The following UBE3A variants were observed in gnomAD, a reference collection of about 807,000 sequenced individuals.
UBE3A encodes the protein ubiquitin protein ligase E3A, also known as ubiquitin-protein ligase E3A.
Under a neutral mutation model 83.4 loss-of-function variants are expected in UBE3A, and 6 were observed. The observed-to-expected ratio is 0.07, with a 90% confidence interval of 0.04 to 0.14. UBE3A has a LOEUF of 0.14. Ranked by LOEUF, UBE3A falls within the 10% of genes least tolerant of loss-of-function variation. UBE3A has a pLI of 1.00. For synonymous variants in UBE3A, 337 were observed against 355.4 expected, an observed-to-expected ratio of 0.95 and a Z score of 0.58; for missense variants, 456 against 1,036.1, an observed-to-expected ratio of 0.44 and a Z score of 7.69.
At chr15:25,354,278 G>C (rs1319950494) in intron 11 of UBE3A, 75 bp downstream of exon 11, 1 of 1,324,698 alleles carries the variant, frequency 7.5e-7, no homozygotes, top group East Asian at 2.3e-5. Context: ...TTAGTACCTA[G>C]AGATAAAGGT....
At chr15:25,364,044 A>G (rs2078595205) in intron 6 of UBE3A, among the ~76,000 whole-genome samples, 1 of 148,114 alleles carries the variant, frequency 6.8e-6, no homozygotes, top group African/African-American at 2.5e-5. Flanking sequence ...ACTAATAAAT[A>G]AATAAATAAA....
intron 2 of UBE3A, among the ~76,000 whole-genome samples, chr15:25,410,025 G>A (rs1185786495): frequency 6.6e-6 from 1 of 152,014 alleles, no homozygotes; most frequent in East Asian, 1.9e-4. Flanking sequence ...GATAGCATTA[G>A]GAAATATACC....
intron 1 of UBE3A, among the ~76,000 whole-genome samples, chr15:25,425,585 G>T (rs182931466): frequency 6.9e-4 from 105 of 152,006 alleles, no homozygotes; most frequent in Non-Finnish European, 1.1e-3. Context: ...ATATTTGATT[G>T]GTAATTTCCT....
chr15:25,416,311 C>T (rs980259748), intron 1 of UBE3A, among the ~76,000 whole-genome samples: 1 of 152,140 alleles, frequency 6.6e-6, no homozygotes, highest in African/African-American at 2.4e-5. Context: ...AATGGAATAT[C>T]ACTTCCATTC....
chr15:25,339,798 T>C (rs2074423997), intron 12 of UBE3A: 2 of 438,950 alleles, frequency 4.6e-6, no homozygotes, highest in African/African-American at 4.0e-5. Context: ...TAGATGATCA[T>C]GTTATATGGC....
rs369062753 is a variant in UBE3A, at chr15:25,408,835, A to C, written c.20+253T>G. ...TATAATGTTTATAGTAAAATGTTTA[A>C]AACCTTGAAGTTTTTTTGAGAAATA... On this transcript the variant is annotated intron_variant, in intron 3 of 12. Coordinates refer to ENST00000648336, the MANE Select transcript of UBE3A (RefSeq NM_130839.5). 221 of 826,632 alleles carry C rather than the reference A, an allele frequency of 2.7e-4. No homozygotes were observed. In the African/African-American group the frequency reaches 3.7e-3, roughly 14 times the overall value. 51.2% of individuals were successfully genotyped at this position (826,632 alleles called of 1,614,324 possible).
At chr15:25,350,284 G>A (rs1218186744) in intron 11 of UBE3A, among the ~76,000 whole-genome samples, 1 of 150,614 alleles carries the variant, frequency 6.6e-6, no homozygotes, top group Non-Finnish European at 1.5e-5. Flanking sequence ...CTGGATGACA[G>A]AGACTTTGTC....
At chr15:25,412,708 A>G (rs1188635059) in intron 1 of UBE3A, among the ~76,000 whole-genome samples, 1 of 150,150 alleles carries the variant, frequency 6.7e-6, no homozygotes, top group Non-Finnish European at 1.5e-5. Flanking sequence ...ATATAAAGAA[A>G]GCAAATCTCA....
At position 25,375,769 on chromosome 15, in the gene UBE3A, C is replaced by G; in HGVS notation, c.63-6G>C. On this transcript the variant is annotated splice_region_variant and splice_polypyrimidine_tract_variant and intron_variant, in intron 4 of 12. Coordinates refer to ENST00000648336, the MANE Select transcript of UBE3A (RefSeq NM_130839.5). ...GCTTTGCAGCTGCTCGCTTCCTGTA[C>G]CAAACATTCAAACAATAAGCACAGT... 4 of 1,607,520 alleles carry G rather than the reference C, an allele frequency of 2.5e-6. No individual in the cohort carries two copies. The highest frequency in any genetic ancestry group is 3.4e-6 in the Non-Finnish European group (4 of 1,179,988).
intron 1 of UBE3A, chr15:25,419,245 CAAGTT>C (rs1888522384): frequency 6.6e-6 from 1 of 151,974 alleles, no homozygotes; most frequent in South Asian, 2.1e-4. Flanking sequence ...CATACATGCT[CAAGTT>C]AAGGGTGTGG....
chr15:25,354,719 T>C (rs773701872), intron 9 of UBE3A, 36 bp from the exon 10 acceptor site: 12 of 1,586,358 alleles, frequency 7.6e-6, no homozygotes, highest in African/African-American at 2.7e-5. Context: ...CTTCTTATAA[T>C]ATGCTATGCA....
chr15:25,356,174 T>TAGGG, intron 8 of UBE3A, 118 bp from the exon 9 acceptor site: 1 of 1,272,552 alleles, frequency 7.9e-7, no homozygotes, highest in Non-Finnish European at 1.1e-6. Flanking sequence ...GTAAAAAGTG[T>TAGGG]AGACAGTATC....
intron 1 of UBE3A, among the ~76,000 whole-genome samples, chr15:25,420,408 T>C (rs939044881): frequency 6.6e-6 from 1 of 152,120 alleles, no homozygotes. Flanking sequence ...CTCAAAATTA[T>C]AGTTGAAGAT....
chr15:25,353,039 A>T (rs894303175), intron 11 of UBE3A, among the ~76,000 whole-genome samples: 1 of 152,232 alleles, frequency 6.6e-6, no homozygotes. Context: ...GCATCAAGAT[A>T]TGACTTTTTT....
At chr15:25,420,548 A>G (rs1233249825) in intron 1 of UBE3A, 5 of 152,234 alleles carry the variant, frequency 3.3e-5, no homozygotes, top group African/African-American at 1.2e-4. Flanking sequence ...ACAGACACAC[A>G]AAAGAAAACT....
intron 1 of UBE3A, chr15:25,422,004 A>G (rs1390878594): frequency 6.6e-6 from 1 of 152,258 alleles, no homozygotes; most frequent in Non-Finnish European, 1.5e-5. Flanking sequence ...ACATGCACAC[A>G]AAACAGTACC....
chr15:25,380,772 T>C (rs992835281), intron 4 of UBE3A, among the ~76,000 whole-genome samples: 3 of 152,250 alleles, frequency 2.0e-5, no homozygotes, highest in Non-Finnish European at 2.9e-5. Flanking sequence ...AAACAAAGTA[T>C]GTTATAATGT....
At chr15:25,366,075 A>G (rs2079053834) in intron 6 of UBE3A, among the ~76,000 whole-genome samples, 1 of 152,164 alleles carries the variant, frequency 6.6e-6, no homozygotes, top group Non-Finnish European at 1.5e-5. Flanking sequence ...ATTGTCTTAA[A>G]TTATTATATA....
intron 11 of UBE3A, among the ~76,000 whole-genome samples, chr15:25,344,767 A>G (rs2075393422): frequency 6.6e-6 from 1 of 152,168 alleles, no homozygotes; most frequent in African/African-American, 2.4e-5. Context: ...ATGGCACCCA[A>G]TGATGAGAAA....
Sources: gnomAD v4.1 joint callset for allele counts (sites outside exome capture counted in the v4.1 genomes callset) on GRCh38, gnomAD v4.1.1 for gene constraint, MANE v1.5 for transcripts, NCBI Gene and HGNC (gene_info 2026-07-23, HGNC 2026-07-21) for gene names.